The following PCDHGA3 variants were observed in gnomAD, a reference collection of about 807,000 sequenced individuals.
PCDHGA3 encodes protocadherin gamma subfamily A, 3.
In PCDHGA3, 40 loss-of-function variants were observed where a neutral mutation model predicts 58.5. The ratio of observed to expected loss-of-function variants is 0.68; its 90% CI spans 0.53 to 0.89. The LOEUF (loss-of-function observed/expected upper bound fraction) is 0.89, where lower values mean the gene tolerates loss of function less well. PCDHGA3 is among the 40% of genes least tolerant of loss of function. The pLI is 0.00. For missense variants in PCDHGA3, 1,223 were observed against 1,195.9 expected (o/e 1.02, Z -0.33); for synonymous variants, 530 against 525.7 (o/e 1.01, Z -0.11).
intron 1 of PCDHGA3, chr5:141,417,697 C>T: frequency 8.8e-7 from 1 of 1,140,966 alleles, no homozygotes; most frequent in Non-Finnish European, 1.2e-6. Context: ...AAAACCAGCT[C>T]CCACACAGAG....
Position 141,372,600 on chromosome 5 carries a change from G to C in PCDHGA3, c.2424+26143G>C, listed in dbSNP as rs770114948. ...TCAGCCTGGTGTCTGCTTCAAGACT[G>C]TACCTGGAGTTCTCCCCACCTACAG... On this transcript the variant is annotated intron_variant, in intron 1 of 3. Coordinates refer to ENST00000253812, the MANE Select transcript of PCDHGA3 (RefSeq NM_018916.4). 15 of 1,613,886 alleles carry C rather than the reference G, an allele frequency of 9.3e-6. No homozygotes were observed. Among genetic ancestry groups the C allele is most frequent in the South Asian group, 2.2e-5 (2 of 91,088 alleles).
intron 1 of PCDHGA3, chr5:141,428,358 G>C: frequency 1.8e-6 from 1 of 565,492 alleles, no homozygotes; most frequent in South Asian, 1.9e-5. Context: ...TGATTTTGGC[G>C]GTCGCCTTGC....
At position 141,423,537 on chromosome 5, in the gene PCDHGA3, T is replaced by A. The variant is rs201034039; in HGVS notation, c.2425-71270T>A. 1.4e-4 allele frequency: 225 copies of A among 1,613,694 alleles called. 2 individuals carry two copies. In the South Asian group the frequency reaches 2.3e-3, roughly 16 times the overall value. On this transcript the variant is annotated intron_variant, in intron 1 of 3. Coordinates refer to ENST00000253812, the MANE Select transcript of PCDHGA3 (RefSeq NM_018916.4). ...CGGACTCGCAGAAGAGTCACCTGAT[T>A]TTCCCCCAGCCCAACTATGGGGACA...
intron 1 of PCDHGA3, chr5:141,372,029 C>A (rs576761049): frequency 2.7e-5 from 43 of 1,613,324 alleles, no homozygotes; most frequent in Non-Finnish European, 3.2e-5. Context: ...TCAGCGCCAA[C>A]GTGAGCCTGC....
chr5:141,366,872 A>C (rs1764836796), intron 1 of PCDHGA3: 2 of 1,396,140 alleles, frequency 1.4e-6, no homozygotes, highest in Admixed American at 2.4e-5. Flanking sequence ...GCTGTATTGG[A>C]GATTAATTTT....
chr5:141,394,700 G>A (rs775789970), intron 1 of PCDHGA3: 1 of 1,613,138 alleles, frequency 6.2e-7, no homozygotes, highest in Non-Finnish European at 8.5e-7. Flanking sequence ...TGCGCACGGC[G>A]CGAGCCCTGC....
chr5:141,371,009 G>A, intron 1 of PCDHGA3: 1 of 1,614,004 alleles, frequency 6.2e-7, no homozygotes, highest in East Asian at 2.2e-5. Context: ...GGGAAGAGCA[G>A]CCACATCACC....
chr5:141,375,791 G>C (rs374657173), intron 1 of PCDHGA3: 1 of 1,614,232 alleles, frequency 6.2e-7, no homozygotes, highest in Non-Finnish European at 8.5e-7. Flanking sequence ...CCTCCCCACA[G>C]ACGGTTCCAC....
At chr5:141,427,898 C>T in intron 1 of PCDHGA3, 4 of 1,570,874 alleles carry the variant, frequency 2.5e-6, no homozygotes, top group African/African-American at 1.3e-5. Flanking sequence ...AGGGCTCGCC[C>T]GCGCTCAGCG....
chr5:141,487,058 C>T lies in PCDHGA3; in HGVS notation c.2425-7749C>T, dbSNP rs775720601. 23 of 1,613,980 alleles carry T rather than the reference C, an allele frequency of 1.4e-5. No individual in the cohort carries two copies. The highest frequency in any genetic ancestry group is 1.0e-4 in the Admixed American group (6 of 59,996). ...AGTCTCTCGATATGCTGGGGAGGTGCGGACGGCTGTTCCTATCCCAGCTGA... is the reference window on the plus strand; with the variant it reads ...AGTCTCTCGATATGCTGGGGAGGTGTGGACGGCTGTTCCTATCCCAGCTGA... On this transcript the variant is annotated intron_variant, in intron 1 of 3. Transcript: ENST00000253812. The surrounding 1 kb of genome is among the most constrained non-coding windows in gnomAD (Gnocchi z 5.0).
rs201372696 is a variant in PCDHGA3, at chr5:141,400,469, C to T, written c.2424+54012C>T. On this transcript the variant is annotated intron_variant, in intron 1 of 3. Coordinates refer to ENST00000253812, the MANE Select transcript of PCDHGA3 (RefSeq NM_018916.4). ...CAAGACATACTTTGTGGTGATTCATCTGGGGCCTTATTTCCACTTTGTAAT... is the reference window on the plus strand; with the variant it reads ...CAAGACATACTTTGTGGTGATTCATTTGGGGCCTTATTTCCACTTTGTAAT... 15 of 1,613,944 alleles carry T rather than the reference C, an allele frequency of 9.3e-6. No individual in the cohort carries two copies. The African/African-American group carries it at 1.9e-4, about 20-fold the overall frequency.
rs1221646532 is a variant in PCDHGA3, at chr5:141,366,822, TTCAGA to T, written c.2424+20366_2424+20370del. ...TTTCCTTTTTCATGTTTCTGTCATA[TTCAGA>T]ATCAGCTAGTTATGTAAATAGTGGA... On this transcript the variant is annotated intron_variant, in intron 1 of 3. Transcript: ENST00000253812. The T allele has an allele frequency of 2.6e-6, 4 of 1,538,856 alleles. No homozygotes were observed. The Admixed American group carries it at 8.0e-5, about 31-fold the overall frequency.
rs770093591 is a variant in PCDHGA3 at position 141,486,147 on chromosome 5, G to T, written c.2425-8660G>T. ...GAATTTGATGTGCGGGCTCGCGATG[G>T]GGGTTCTCCAGCCATGGAGCAACAT... On this transcript the variant is annotated intron_variant, in intron 1 of 3. Transcript: ENST00000253812. This position sits in a 1 kb window ranked among gnomAD's most constrained non-coding sequence, Gnocchi z 5.0. The T allele has an allele frequency of 6.2e-7, 1 of 1,614,168 alleles. No individual in the cohort carries two copies. The highest frequency in any genetic ancestry group is 1.7e-5 in the Admixed American group (1 of 60,028).
chr5:141,405,553 T>G, intron 1 of PCDHGA3: 1 of 619,004 alleles, frequency 1.6e-6, no homozygotes, highest in Non-Finnish European at 2.8e-6. Flanking sequence ...CCAAGTAGAG[T>G]AGCTGGGACT....
chr5:141,361,731 G>A, intron 1 of PCDHGA3: 3 of 1,613,190 alleles, frequency 1.9e-6, no homozygotes, highest in Non-Finnish European at 2.5e-6. Flanking sequence ...AGCTCACACT[G>A]CAGGCCCGCG....
intron 1 of PCDHGA3, among the ~76,000 whole-genome samples, chr5:141,439,431 G>A (rs2154558488): frequency 6.6e-6 from 1 of 152,298 alleles, no homozygotes; most frequent in Non-Finnish European, 1.5e-5. Flanking sequence ...AAATTCCCAG[G>A]AATATTTTAT....
In PCDHGA3 at chr5:141,462,600, A is replaced by G. The variant is rs2154567827; in HGVS notation, c.2425-32207A>G. ...ATCCAGTGAAGTTTCCATTTCATAT[A>G]TTGTATTTTTCACTTTTAGAAGTTC... is the stretch of plus-strand genomic sequence containing the variant. On this transcript the variant is annotated intron_variant, in intron 1 of 3. Coordinates refer to ENST00000253812, the MANE Select transcript of PCDHGA3 (RefSeq NM_018916.4). Among the ~76,000 whole-genome samples, 6 of 152,076 alleles carry G rather than the reference A, an allele frequency of 3.9e-5. No homozygotes were observed. In the Middle Eastern group the frequency reaches 0.014, roughly 345 times the overall value.
At chr5:141,404,615 C>T in intron 1 of PCDHGA3, 5 of 1,614,122 alleles carry the variant, frequency 3.1e-6, no homozygotes, top group Non-Finnish European at 4.2e-6. Flanking sequence ...TGTTTTGGAC[C>T]AGAATGACAA....
At chr5:141,352,388 C>T (rs1021854619) in intron 1 of PCDHGA3, 2 of 1,614,058 alleles carry the variant, frequency 1.2e-6, no homozygotes, top group Non-Finnish European at 1.7e-6. Flanking sequence ...GATCGCCCTG[C>T]GCCTGCGACG....
Sources: gnomAD v4.1 joint callset for allele counts (sites outside exome capture counted in the v4.1 genomes callset) on GRCh38, gnomAD v4.1.1 for gene constraint, Gnocchi (gnomAD v3.1) non-coding constraint, MANE v1.5 for transcripts, NCBI Gene and HGNC (gene_info 2026-07-23, HGNC 2026-07-21) for gene names.